The following COL23A1 variants were observed in gnomAD, a reference collection of about 807,000 sequenced individuals.
COL23A1 encodes collagen alpha-1(XXIII) chain.
In COL23A1, 97 loss-of-function variants were observed where a neutral mutation model predicts 99.3. The observed-to-expected ratio is 0.98, with a 90% CI of 0.83 to 1.16. The LOEUF is 1.16. Ranked by LOEUF, COL23A1 falls within the 50% of genes most tolerant of loss-of-function variation. COL23A1 has a pLI of 0.00. For missense variants in COL23A1, 762 were observed against 757.4 expected, an observed-to-expected ratio of 1.01 and a Z score of -0.07; for synonymous variants, 320 against 308.2, an observed-to-expected ratio of 1.04 and a Z score of -0.40.
intron 3 of COL23A1, among the ~76,000 whole-genome samples, chr5:178,291,535 G>T (rs956420931): frequency 2.1e-4 from 32 of 152,296 alleles, no homozygotes; most frequent in African/African-American, 7.5e-4. Flanking sequence ...GAGGATCCAG[G>T]AGAAGTGAAG....
chr5:178,273,149 T>C (rs1171272065), intron 5 of COL23A1, among the ~76,000 whole-genome samples: 1 of 152,170 alleles, frequency 6.6e-6, no homozygotes, highest in African/African-American at 2.4e-5. Flanking sequence ...CCCCTGGATG[T>C]GAAGCACGCA....
At chr5:178,382,706 G>A (rs1391271429) in intron 2 of COL23A1, among the ~76,000 whole-genome samples, 2 of 152,224 alleles carry the variant, frequency 1.3e-5, no homozygotes, top group South Asian at 2.1e-4. Flanking sequence ...AGAGGGGTAT[G>A]ACATGGAAAA....
At chr5:178,427,853 T>A (rs1418457092) in intron 2 of COL23A1, among the ~76,000 whole-genome samples, 2 of 152,184 alleles carry the variant, frequency 1.3e-5, no homozygotes, top group Non-Finnish European at 2.9e-5. Context: ...ACAGTGAAAC[T>A]ATTCTGTATG....
At chr5:178,583,462 C>T (rs1483160546) in intron 1 of COL23A1, among the ~76,000 whole-genome samples, 1 of 152,202 alleles carries the variant, frequency 6.6e-6, no homozygotes, top group Middle Eastern at 3.2e-3. Context: ...CCCTAGAGCT[C>T]CAGTGGGGTT....
intron 2 of COL23A1, among the ~76,000 whole-genome samples, chr5:178,357,738 ATGTACG>A (rs1561894481): frequency 1.6e-5 from 2 of 124,464 alleles, no homozygotes; most frequent in East Asian, 2.3e-4. Context: ...GTGTGTGTGT[ATGTACG>A]TGTATGTGTG....
At chr5:178,257,650 C>G in intron 12 of COL23A1, 83 bp from the exon 13 acceptor site, 1 of 1,369,202 alleles carries the variant, frequency 7.3e-7, no homozygotes, top group Non-Finnish European at 1.0e-6. Flanking sequence ...TCCCAGCACA[C>G]CAGTCTGCTC....
intron 16 of COL23A1, among the ~76,000 whole-genome samples, chr5:178,252,924 C>G (rs1029104703): frequency 3.9e-5 from 6 of 152,202 alleles, no homozygotes; most frequent in African/African-American, 1.4e-4. Flanking sequence ...TATTGCCTCT[C>G]AAAGCAAGCT....
chr5:178,238,495 G>C lies in COL23A1; in HGVS notation c.*203C>G. On this transcript the variant is annotated 3_prime_UTR_variant, in exon 29 of 29. Transcript: ENST00000390654. ...GCCCAGGCCCAAGGGTGCCCCTCAGGTACACATCTCCCTGGTCTGGCCTGT... is the reference window on the plus strand; with the variant it reads ...GCCCAGGCCCAAGGGTGCCCCTCAGCTACACATCTCCCTGGTCTGGCCTGT... 1.1e-5 allele frequency: 7 copies of C among 643,912 alleles called. No individual in the cohort carries two copies. The highest frequency in any genetic ancestry group is 4.3e-4 in the Middle Eastern group (1 of 2,322). 39.9% of individuals were successfully genotyped at this position (643,912 alleles called of 1,614,324 possible).
At chr5:178,586,610 G>GAAAAA (rs11464020) in intron 1 of COL23A1, among the ~76,000 whole-genome samples, 1 of 144,464 alleles carries the variant, frequency 6.9e-6, no homozygotes, top group Non-Finnish European at 1.5e-5. Context: ...CTGTTGCAAG[G>GAAAAA]AAAAAAAAAA....
In COL23A1 at chr5:178,307,972, C is replaced by T. The variant is rs1294356040; in HGVS notation, c.362-1053G>A. On this transcript the variant is annotated intron_variant, in intron 2 of 28. Transcript: ENST00000390654. The surrounding 1 kb of genome is among the most constrained non-coding windows in gnomAD (Gnocchi z 4.2). ...GGAGATGCAGGAGACTGGCCCCGAT[C>T]GCGTCTGTGGCAGGATGGAAAAATG... is the stretch of plus-strand genomic sequence containing the variant. Among the ~76,000 whole-genome samples the T allele has an allele frequency of 3.3e-5, 5 of 151,970 alleles. No homozygotes were observed. Among genetic ancestry groups the T allele is most frequent in the East Asian group, 3.8e-4 (2 of 5,200 alleles).
chr5:178,353,090 T>C (rs1441371831), intron 2 of COL23A1, among the ~76,000 whole-genome samples: 1 of 152,158 alleles, frequency 6.6e-6, no homozygotes, highest in Non-Finnish European at 1.5e-5. Context: ...CACAAAAGCA[T>C]GATGTATGAG....
rs1016977513 is a variant in COL23A1 at position 178,310,102 on chromosome 5, A to T, written c.362-3183T>A. On this transcript the variant is annotated intron_variant, in intron 2 of 28. Coordinates refer to ENST00000390654, the MANE Select transcript of COL23A1 (RefSeq NM_173465.4). This position sits in a 1 kb window ranked among gnomAD's most constrained non-coding sequence, Gnocchi z 4.3. ...GATGTGACGTGCCAGTGAGATAGGGAGTGCCTTCCACCCTTCCTTTCCCGG... is the reference window on the plus strand; with the variant it reads ...GATGTGACGTGCCAGTGAGATAGGGTGTGCCTTCCACCCTTCCTTTCCCGG... 6.6e-6 allele frequency among the ~76,000 whole-genome samples: 1 copy of T among 152,194 alleles called. No homozygotes were observed. The highest frequency in any genetic ancestry group is 1.5e-5 in the Non-Finnish European group (1 of 68,028).
chr5:178,371,434 C>A (rs749445725), intron 2 of COL23A1, among the ~76,000 whole-genome samples: 1 of 152,198 alleles, frequency 6.6e-6, no homozygotes, highest in Non-Finnish European at 1.5e-5. Flanking sequence ...GCTCTGGGGT[C>A]GGATGGGCCT....
At chr5:178,351,764 G>A (rs996705757) in intron 2 of COL23A1, among the ~76,000 whole-genome samples, 5 of 152,098 alleles carry the variant, frequency 3.3e-5, no homozygotes, top group African/African-American at 7.2e-5. Context: ...GTTTATATGC[G>A]GAAGCCCCTA....
chr5:178,376,789 T>C (rs1763093486), intron 2 of COL23A1, among the ~76,000 whole-genome samples: 1 of 152,212 alleles, frequency 6.6e-6, no homozygotes, highest in South Asian at 2.1e-4. Flanking sequence ...AGTCATGCCC[T>C]GTTTACTGCC....
chr5:178,398,707 T>C (rs187883829), intron 2 of COL23A1, among the ~76,000 whole-genome samples: 3 of 152,350 alleles, frequency 2.0e-5, no homozygotes, highest in Non-Finnish European at 4.4e-5. Flanking sequence ...ATTTTCGGTT[T>C]CTATTTTCAA....
Position 178,288,138 on chromosome 5 carries a change from G to A in COL23A1, c.441+186C>T, listed in dbSNP as rs557575780. On this transcript the variant is annotated intron_variant, in intron 5 of 28. Coordinates refer to ENST00000390654, the MANE Select transcript of COL23A1 (RefSeq NM_173465.4). ...CGAGGTGCTCTGCCTTGCCTCCAGG[G>A]CAGCCCTGGAGATCTGTGCAGCCTT... Among the ~76,000 whole-genome samples the A allele has an allele frequency of 2.6e-5, 4 of 152,258 alleles. No individual in the cohort carries two copies. The South Asian group carries it at 6.2e-4, about 24-fold the overall frequency.
At chr5:178,355,462 T>C (rs1430428018) in intron 2 of COL23A1, among the ~76,000 whole-genome samples, 1 of 152,202 alleles carries the variant, frequency 6.6e-6, no homozygotes. Context: ...CTGGGTTACA[T>C]AGTATATTAG....
intron 2 of COL23A1, among the ~76,000 whole-genome samples, chr5:178,367,226 T>C (rs1368489154): frequency 2.0e-5 from 3 of 152,170 alleles, no homozygotes; most frequent in Non-Finnish European, 4.4e-5. Context: ...AGTCTTCCGA[T>C]GATGTCCAGA....
Sources: gnomAD v4.1 joint callset for allele counts (sites outside exome capture counted in the v4.1 genomes callset) on GRCh38, gnomAD v4.1.1 for gene constraint, Gnocchi (gnomAD v3.1) non-coding constraint, MANE v1.5 for transcripts, NCBI Gene and HGNC (gene_info 2026-07-23, HGNC 2026-07-21) for gene names.